The following SGIP1 variants were observed in gnomAD, a reference collection of about 807,000 sequenced individuals.
The protein encoded by SGIP1 is SH3GL interacting endocytic adaptor 1, also known as SH3-containing GRB2-like protein 3-interacting protein 1.
Under a neutral mutation model 107.5 loss-of-function variants are expected in SGIP1, and 38 were observed. The ratio of observed to expected loss-of-function variants is 0.35; its 90% CI spans 0.27 to 0.46. The LOEUF (loss-of-function observed/expected upper bound fraction) is 0.46, where lower values mean the gene tolerates loss of function less well. SGIP1 is among the 20% of genes least tolerant of loss of function. SGIP1 has a pLI of 1.00. For missense variants in SGIP1, 929 were observed against 1,019.5 expected (o/e 0.91, Z 1.21); for synonymous variants, 365 against 366.1 (o/e 1.00, Z 0.03).
At position 66,741,293 on chromosome 1, in the gene SGIP1, G is replaced by C. The variant is rs149287324; in HGVS notation, c.2321G>C (p.Arg774Thr). The C allele has an allele frequency of 6.8e-5, 108 of 1,593,490 alleles. No homozygotes were observed. Among genetic ancestry groups the C allele is most frequent in the Non-Finnish European group, 9.0e-5 (105 of 1,170,854 alleles). Residue 774 changes from arginine to threonine, a missense_variant, in exon 24 of 25, where the codon AGA becomes ACA. Physicochemically the swap from Arg to Thr is moderately conservative, Grantham distance 71. This residue lies in a region of SGIP1 where 341 missense variants were observed against 430.9 expected (regional missense o/e 0.79). Coordinates refer to ENST00000371037, the MANE Select transcript of SGIP1 (RefSeq NM_032291.4). The stretch of plus-strand genomic sequence containing the variant: ...TTAGGGGTGGGTTCTTTGTTGGCAA[G>C]ATTTCAGTTATCTGAAGGCCCAAGC... ...ENGGVGSLLA[R>T]FQLSEGPSKP...
chr1:66,557,486 A>C (rs1055882288), intron 1 of SGIP1, among the ~76,000 whole-genome samples: 1 of 152,104 alleles, frequency 6.6e-6, no homozygotes, highest in Non-Finnish European at 1.5e-5. Flanking sequence ...GCCTGACATT[A>C]AACTCGGATT....
chr1:66,549,643 AT>A (rs1369453167), intron 1 of SGIP1, among the ~76,000 whole-genome samples: 2 of 152,096 alleles, frequency 1.3e-5, no homozygotes, highest in Non-Finnish European at 2.9e-5. Context: ...CAGCACCCCC[AT>A]GCTTGTGCAT....
At chr1:66,731,271 T>A (rs1406231858) in intron 20 of SGIP1, among the ~76,000 whole-genome samples, 1 of 152,210 alleles carries the variant, frequency 6.6e-6, no homozygotes, top group Non-Finnish European at 1.5e-5. Flanking sequence ...TTGAGCCAGT[T>A]TATTTTTCAA....
chr1:66,578,077 AT>A (rs1175952000), intron 1 of SGIP1, among the ~76,000 whole-genome samples: 2 of 152,038 alleles, frequency 1.3e-5, no homozygotes, highest in Non-Finnish European at 2.9e-5. Flanking sequence ...TTATATTTTA[AT>A]TTTTTTCCAT....
At chr1:66,623,846 T>C (rs1375092329) in intron 1 of SGIP1, among the ~76,000 whole-genome samples, 1 of 152,220 alleles carries the variant, frequency 6.6e-6, no homozygotes, top group East Asian at 1.9e-4. Context: ...ACTCTCTGCC[T>C]CCTGGATCCT....
intron 1 of SGIP1, among the ~76,000 whole-genome samples, chr1:66,612,179 AG>A (rs918139377): frequency 1.3e-5 from 2 of 152,124 alleles, no homozygotes; most frequent in African/African-American, 4.8e-5. Context: ...AAGAGAGAGG[AG>A]GGGAGGAGGT....
Position 66,660,197 on chromosome 1 carries a change from AAGAAAGAAAGAAAGAAAG to A in SGIP1, c.460-300_460-283del, listed in dbSNP as rs1557505096. 4 of 218,280 alleles carry A rather than the reference AAGAAAGAAAGAAAGAAAG, an allele frequency of 1.8e-5. 1 individual carries two copies. The highest frequency in any genetic ancestry group is 2.3e-5 in the Non-Finnish European group (3 of 131,258). 13.5% of individuals were successfully genotyped at this position (218,280 alleles called of 1,614,324 possible). On this transcript the variant is annotated intron_variant, in intron 7 of 24. Transcript: ENST00000371037. ...AAAGAAAGAAAGAAAGAAAGAAAGA[AAGAAAGAAAGAAAGAAAG>A]AGAAAGAAAGAAAGAGGGAGGGAGG...
At chr1:66,620,251 A>C (rs1395577801) in intron 1 of SGIP1, among the ~76,000 whole-genome samples, 1 of 152,190 alleles carries the variant, frequency 6.6e-6, no homozygotes, top group Non-Finnish European at 1.5e-5. Context: ...GAAGCTTCAG[A>C]GAAAAACACC....
At chr1:66,573,013 T>C (rs1338213535) in intron 1 of SGIP1, among the ~76,000 whole-genome samples, 1 of 152,002 alleles carries the variant, frequency 6.6e-6, no homozygotes, top group Non-Finnish European at 1.5e-5. Flanking sequence ...GGCAAATCTA[T>C]CAAGAGAGAA....
intron 7 of SGIP1, among the ~76,000 whole-genome samples, chr1:66,646,216 CA>C (rs1385703156): frequency 6.6e-6 from 1 of 152,098 alleles, no homozygotes; most frequent in Non-Finnish European, 1.5e-5. Context: ...ACCTAAAATC[CA>C]GCTGGTGCCA....
rs547948977 is a variant in SGIP1 at position 66,682,869 on chromosome 1, G to A, written c.1315+500G>A. On this transcript the variant is annotated intron_variant, in intron 15 of 24. Coordinates refer to ENST00000371037, the MANE Select transcript of SGIP1 (RefSeq NM_032291.4). ...TCTTTTTTGGTTGTGGAAGAACCACGTTAACCCCTCTAATTTCTTTAAAAA... is the reference window on the plus strand; with the variant it reads ...TCTTTTTTGGTTGTGGAAGAACCACATTAACCCCTCTAATTTCTTTAAAAA... Among the ~76,000 whole-genome samples the A allele has an allele frequency of 1.3e-4, 19 of 151,334 alleles. No individual in the cohort carries two copies. In the East Asian group the frequency reaches 2.9e-3, roughly 23 times the overall value.
chr1:66,667,447 A>C (rs1199616512), intron 8 of SGIP1, 83 bp from the exon 9 acceptor site: 3 of 1,291,518 alleles, frequency 2.3e-6, no homozygotes, highest in Non-Finnish European at 3.4e-6. Flanking sequence ...CTGCTTATAA[A>C]GTCTTCTGTT....
rs1458655651 is a variant in SGIP1 at position 66,651,521 on chromosome 1, A to G, written c.459+7802A>G. 1.1e-4 allele frequency among the ~76,000 whole-genome samples: 17 copies of G among 151,766 alleles called. No individual in the cohort carries two copies. In the South Asian group the frequency reaches 2.7e-3, roughly 24 times the overall value. On this transcript the variant is annotated intron_variant, in intron 7 of 24. Transcript: ENST00000371037. The stretch of plus-strand genomic sequence containing the variant: ...AAAAAAGTTCACTAGCTCATTCAAA[A>G]TATTTTACATACAATTTCTGAATGC...
chr1:66,722,054 T>A (rs946827048), intron 19 of SGIP1, among the ~76,000 whole-genome samples: 1 of 152,110 alleles, frequency 6.6e-6, no homozygotes, highest in African/African-American at 2.4e-5. Flanking sequence ...CCCATCTCCA[T>A]CACTCCTTTC....
At chr1:66,555,192 C>A (rs543025132) in intron 1 of SGIP1, among the ~76,000 whole-genome samples, 1 of 152,198 alleles carries the variant, frequency 6.6e-6, no homozygotes, top group African/African-American at 2.4e-5. Flanking sequence ...TACCCAACTT[C>A]CCTCCTAGTC....
In SGIP1 at chr1:66,631,099, G is replaced by GAAAGAAAA. The variant is rs1451497965; in HGVS notation, c.75-1968_75-1967insGAAAAAAA. ...AGAAAGAAAGAAAGAAAGAAAGAAA[G>GAAAGAAAA]AAAAAAAGAAAGACTGACTCAGTAT... On this transcript the variant is annotated intron_variant, in intron 2 of 24. Transcript: ENST00000371037. 6.7e-5 allele frequency among the ~76,000 whole-genome samples: 9 copies of GAAAGAAAA among 134,232 alleles called. No homozygotes were observed. In the East Asian group the frequency reaches 8.2e-4, roughly 12 times the overall value. 88.1% of individuals were successfully genotyped at this position (134,232 alleles called of 152,430 possible). A position where few individuals can be genotyped will look rare whatever the true frequency, so the allele number is the denominator to read the frequency against.
chr1:66,698,382 T>TTC (rs1457939858), intron 18 of SGIP1, among the ~76,000 whole-genome samples: 2 of 149,702 alleles, frequency 1.3e-5, no homozygotes, highest in African/African-American at 5.0e-5. Context: ...GTGATGACTT[T>TTC]TTTTTTTTTT....
At chr1:66,672,584 C>A (rs1179336320) in intron 11 of SGIP1, among the ~76,000 whole-genome samples, 2 of 152,166 alleles carry the variant, frequency 1.3e-5, no homozygotes, top group African/African-American at 2.4e-5. Context: ...CGTTACCATA[C>A]CACATAGACC....
intron 15 of SGIP1, among the ~76,000 whole-genome samples, chr1:66,682,898 A>G (rs2087118250): frequency 6.6e-6 from 1 of 151,834 alleles, no homozygotes; most frequent in Non-Finnish European, 1.5e-5. Context: ...TTAAAAAGAC[A>G]TAAGGTTTGA....
Sources: allele counts gnomAD v4.1 joint callset (sites outside exome capture counted in the v4.1 genomes callset), GRCh38; gene constraint gnomAD v4.1.1; regional missense constraint gnomAD v4.1.1; transcripts MANE v1.5; gene names NCBI Gene and HGNC (gene_info 2026-07-23, HGNC 2026-07-21).